CAST: variants seen among roughly 807,000 people sequenced by gnomAD.
CAST encodes the protein calpastatin.
Under a neutral mutation model 119.6 loss-of-function variants are expected in CAST, and 76 were observed. The ratio of observed to expected loss-of-function variants is 0.64; its 90% CI spans 0.53 to 0.77. The LOEUF (loss-of-function observed/expected upper bound fraction) is 0.77, where lower values mean the gene tolerates loss of function less well. Ranked by LOEUF, CAST falls within the 30% of genes least tolerant of loss-of-function variation. The pLI is 0.00. For missense variants in CAST, 953 were observed against 946.5 expected (o/e 1.01, Z -0.09); for synonymous variants, 319 against 331.6 (o/e 0.96, Z 0.41).
rs1377353465 is a variant in CAST, at chr5:96,534,793, GAAAGAAAGAAGA to G, written c.60+4916_60+4927del. Reference sequence around the variant, plus strand: ...AGAAAGAAAGAAAGAAAGAAAGAAAGAAAGAAAGAAGAAAGAAAGAAAGAAAGAAAAGAAAGA... The same window carrying G: ...AGAAAGAAAGAAAGAAAGAAAGAAAGAAGAAAGAAAGAAAGAAAAGAAAGA... On this transcript the variant is annotated intron_variant, in intron 1 of 11. Coordinates refer to the CAST transcript ENST00000505143. 4.9e-3 allele frequency among the ~76,000 whole-genome samples: 535 copies of G among 110,142 alleles called. 20 individuals carry two copies. Among genetic ancestry groups the G allele is most frequent in the Non-Finnish European group, 6.5e-3 (332 of 50,766 alleles). 72.3% of individuals were successfully genotyped at this position (110,142 alleles called of 152,430 possible).
the CAST span, among the ~76,000 whole-genome samples, chr5:96,264,578 A>G: frequency 6.6e-6 from 1 of 152,208 alleles, no homozygotes; most frequent in African/African-American, 2.4e-5. Flanking sequence ...CAGCTTCAGC[A>G]ATAGCGTTCA....
At chr5:96,658,606 G>T (rs567126016), upstream of CAST, among the ~76,000 whole-genome samples, 1 of 152,100 alleles carries the variant, frequency 6.6e-6, no homozygotes. Context: ...AACATTCAGG[G>T]GTTTTGAAAT....
chr5:96,663,295 C>A (rs1464120575), intron 1 of CAST: 1 of 692,290 alleles, frequency 1.4e-6, no homozygotes. Context: ...GGGTGCGGAC[C>A]GGGTGCGACC....
chr5:96,127,099 A>G, the CAST span, among the ~76,000 whole-genome samples: 1 of 152,134 alleles, frequency 6.6e-6, no homozygotes, highest in Non-Finnish European at 1.5e-5. Flanking sequence ...GGAATAACTT[A>G]GCATTATTAT....
At chr5:96,513,063 C>T in the CAST span, among the ~76,000 whole-genome samples, 1 of 152,194 alleles carries the variant, frequency 6.6e-6, no homozygotes, top group Non-Finnish European at 1.5e-5. Flanking sequence ...ATCTGCTTAT[C>T]ACTCATTTGG....
chr5:96,059,357 T>G, the CAST span, among the ~76,000 whole-genome samples: 16 of 152,168 alleles, frequency 1.1e-4, 1 homozygote, highest in African/African-American at 2.9e-4. Flanking sequence ...CCTGAGCCAG[T>G]TTTCAGACTT....
chr5:96,671,777 C>T (rs569728798), intron 1 of CAST, among the ~76,000 whole-genome samples: 1 of 152,254 alleles, frequency 6.6e-6, no homozygotes, highest in Non-Finnish European at 1.5e-5. Context: ...CCAGCAGTTA[C>T]ACGTAGTAGT....
chr5:96,391,027 C>T, the CAST span: 1 of 152,474 alleles, frequency 6.6e-6, no homozygotes, highest in Admixed American at 6.5e-5. Context: ...TCTTTATTGG[C>T]CTTTCCGGGC....
chr5:96,550,366 C>T lies in CAST; in HGVS notation c.60+20486C>T, dbSNP rs553778095. Among the ~76,000 whole-genome samples the T allele has an allele frequency of 3.2e-3, 493 of 152,296 alleles. 2 individuals are homozygous for T. The highest frequency in any genetic ancestry group is 0.01 in the Middle Eastern group (3 of 294). On this transcript the variant is annotated intron_variant, in intron 1 of 11. Coordinates refer to the CAST transcript ENST00000505143. ...ACTAACAAACAGAAAGGAATAGCATCAACATCAACAAAAAGGACATCCACA... is the reference window on the plus strand; with the variant it reads ...ACTAACAAACAGAAAGGAATAGCATTAACATCAACAAAAAGGACATCCACA...
the CAST span, among the ~76,000 whole-genome samples, chr5:96,387,908 A>G: frequency 3.9e-5 from 6 of 152,346 alleles, no homozygotes; most frequent in East Asian, 1.2e-3. Context: ...GAAGGGATCA[A>G]TCATGACAAC....
chr5:96,515,513 T>A, the CAST span, among the ~76,000 whole-genome samples: 1 of 152,064 alleles, frequency 6.6e-6, no homozygotes, highest in African/African-American at 2.4e-5. Context: ...TCACGTCCAA[T>A]ATCTTCCAGA....
chr5:96,008,768 A>C, the CAST span, among the ~76,000 whole-genome samples: 1 of 152,242 alleles, frequency 6.6e-6, no homozygotes, highest in African/African-American at 2.4e-5. Flanking sequence ...ACATGGAGGA[A>C]AACAATGCTG....
At chr5:95,980,917 C>T in the CAST span, among the ~76,000 whole-genome samples, 2 of 152,190 alleles carry the variant, frequency 1.3e-5, no homozygotes, top group African/African-American at 4.8e-5. Context: ...CACCAATACC[C>T]ATGAACATGC....
the CAST span, among the ~76,000 whole-genome samples, chr5:96,170,651 G>A: frequency 1.3e-5 from 2 of 152,190 alleles, no homozygotes; most frequent in South Asian, 4.1e-4. Flanking sequence ...AGGGTCTAGG[G>A]CTGTAAAGCG....
At chr5:96,298,389 G>C in the CAST span, among the ~76,000 whole-genome samples, 1 of 152,210 alleles carries the variant, frequency 6.6e-6, no homozygotes, top group Non-Finnish European at 1.5e-5. Context: ...CTATTTGGCA[G>C]TCATTAACAC....
chr5:96,740,760 A>G lies in CAST; in HGVS notation c.895A>G (p.Thr299Ala). The G allele has an allele frequency of 1.2e-6, 2 of 1,600,080 alleles. No individual in the cohort carries two copies. Among genetic ancestry groups the G allele is most frequent in the Non-Finnish European group, 1.7e-6 (2 of 1,167,014 alleles). ...RELLAKKEGITGPPADSSKPI... is the reference protein window; with the variant it reads ...RELLAKKEGIAGPPADSSKPI... ...TTTGTTTCAGAAAAAGGAAGGGATC[A>G]CAGGGCCTCCTGCAGACTCTTCGGT... is the stretch of plus-strand genomic sequence containing the variant. Residue 299 changes from threonine (T) to alanine (A), a missense_variant, in exon 13 of 32, where the codon ACA becomes GCA. Coordinates refer to ENST00000675179, the MANE Select transcript of CAST (RefSeq NM_001750.7).
intron 1 of CAST, among the ~76,000 whole-genome samples, chr5:96,557,493 A>G (rs1201979046): frequency 6.6e-6 from 1 of 152,074 alleles, no homozygotes; most frequent in South Asian, 2.1e-4. Context: ...CACAGGCTCA[A>G]AATAAAGGGA....
the CAST span, among the ~76,000 whole-genome samples, chr5:96,022,016 T>C: frequency 6.6e-6 from 1 of 152,226 alleles, no homozygotes; most frequent in Non-Finnish European, 1.5e-5. Flanking sequence ...CTTTCCATTG[T>C]TATGAATAGT....
the CAST span, among the ~76,000 whole-genome samples, chr5:96,471,469 G>A: frequency 6.6e-6 from 1 of 152,082 alleles, no homozygotes; most frequent in Non-Finnish European, 1.5e-5. Flanking sequence ...GAGATGCCTC[G>A]CATTTTTATG....
Sources: allele counts gnomAD v4.1 joint callset (sites outside exome capture counted in the v4.1 genomes callset), GRCh38; gene constraint gnomAD v4.1.1; transcripts MANE v1.5; gene names NCBI Gene and HGNC (gene_info 2026-07-23, HGNC 2026-07-21).